ENKUR: variants seen among roughly 807,000 people sequenced by gnomAD.
ENKUR encodes enkurin.
In ENKUR, 19 loss-of-function variants were observed where a neutral mutation model predicts 27.6. That is an observed-to-expected ratio of 0.69 (90% CI 0.48 to 1.01). ENKUR has a LOEUF of 1.01. Among genes scored for constraint, ENKUR ranks in the 50% least tolerant of loss-of-function variants. The pLI is 0.00. For synonymous variants in ENKUR, 117 were observed against 96.9 expected, an observed-to-expected ratio of 1.21 and a Z score of -1.22; for missense variants, 312 against 310.5, an observed-to-expected ratio of 1.00 and a Z score of -0.04.
chr10:24,988,101 G>A (rs113448345), intron 4 of ENKUR, among the ~76,000 whole-genome samples: 1,972 of 151,700 alleles, frequency 0.013, 56 homozygotes, highest in African/African-American at 0.046. Flanking sequence ...GTGCATGCCT[G>A]TAGTTTCAGC....
chr10:24,991,717 A>G (rs1321886061), intron 3 of ENKUR, among the ~76,000 whole-genome samples: 1 of 152,194 alleles, frequency 6.6e-6, no homozygotes, highest in Non-Finnish European at 1.5e-5. Context: ...CGTGTGATCC[A>G]ATTCTTCAAG....
At chr10:25,061,009 T>C (rs1851319760) in intron 2 of ENKUR, 2 of 1,132,842 alleles carry the variant, frequency 1.8e-6, no homozygotes, top group East Asian at 5.1e-5. Context: ...CCACTGGGCC[T>C]GGCCCTTATG....
intron 2 of ENKUR, among the ~76,000 whole-genome samples, chr10:25,056,827 A>C (rs1374642315): frequency 6.6e-6 from 1 of 152,198 alleles, no homozygotes. Flanking sequence ...CAAAGTGCTG[A>C]AAACTCAAAA....
chr10:25,024,427 G>A, intron 2 of ENKUR: 1 of 1,614,042 alleles, frequency 6.2e-7, no homozygotes, highest in South Asian at 1.1e-5. Context: ...GCAAAGGATA[G>A]CTGTGGTTGC....
At chr10:25,042,521 C>G (rs992793083) in intron 2 of ENKUR, among the ~76,000 whole-genome samples, 5 of 152,074 alleles carry the variant, frequency 3.3e-5, no homozygotes, top group African/African-American at 4.8e-5. Context: ...TCTCAAACTT[C>G]TGACCTCAGG....
rs762809982 is a variant in ENKUR, at chr10:25,025,139, T to C, written c.38-29270A>G. 22 of 1,614,002 alleles carry C rather than the reference T, an allele frequency of 1.4e-5. No homozygotes were observed. In the Middle Eastern group the frequency reaches 8.2e-4, roughly 60 times the overall value. On this transcript the variant is annotated intron_variant, in intron 2 of 5. Coordinates refer to the ENKUR transcript ENST00000615958. ...ACCTATAATACTTCAGGGTATATTT[T>C]GGATCCACACACTGCTGTTGCAAAA...
chr10:25,062,164 G>A (rs1341678174), intron 1 of ENKUR: 3 of 152,118 alleles, frequency 2.0e-5, no homozygotes, highest in African/African-American at 4.8e-5. Flanking sequence ...TGTTTGGAGC[G>A]ACTCCTTCCT....
At chr10:25,042,176 A>AC (rs1851071448) in intron 2 of ENKUR, among the ~76,000 whole-genome samples, 1 of 152,070 alleles carries the variant, frequency 6.6e-6, no homozygotes, top group South Asian at 2.1e-4. Flanking sequence ...TTTCTGAAAA[A>AC]AATTATTTTA....
chr10:24,994,830 G>C (rs1850009391), intron 3 of ENKUR, among the ~76,000 whole-genome samples: 1 of 151,822 alleles, frequency 6.6e-6, no homozygotes, highest in African/African-American at 2.4e-5. Context: ...AGACCAGCCT[G>C]GCCAACATGG....
Position 24,995,647 on chromosome 10 carries a change from T to A in ENKUR, c.446A>T (p.Lys149Met), listed in dbSNP as rs754113508. 10 of 1,607,688 alleles carry A rather than the reference T, an allele frequency of 6.2e-6. No individual in the cohort carries two copies. Among genetic ancestry groups the A allele is most frequent in the Non-Finnish European group, 8.5e-6 (10 of 1,177,786 alleles). ...CTTATTAATATACCACAAGGCTACC[T>A]TTTTATTGATGTACTTTGGAACTAG... ...SGLVPKYINK[K>M]DYGVTPEYIC... The change falls in exon 3 of 6, where the codon AAG becomes ATG. Residue 149 changes from lysine to methionine, a missense_variant and splice_region_variant. By Grantham distance (95) the Lys-to-Met change is moderately conservative. Transcript: ENST00000331161.
At chr10:25,031,738 CTT>C (rs60752145) in intron 2 of ENKUR, among the ~76,000 whole-genome samples, 3 of 129,800 alleles carry the variant, frequency 2.3e-5, no homozygotes, top group Non-Finnish European at 5.0e-5. Context: ...GTTTTTAGTT[CTT>C]TTTTTTTTTC....
At chr10:25,050,750 G>A (rs1851179516) in intron 2 of ENKUR, among the ~76,000 whole-genome samples, 1 of 152,142 alleles carries the variant, frequency 6.6e-6, no homozygotes, top group Non-Finnish European at 1.5e-5. Flanking sequence ...GGTTTGTGGA[G>A]AATTTCTTAA....
At chr10:25,008,308 A>G (rs191122205) in intron 1 of ENKUR, among the ~76,000 whole-genome samples, 2 of 152,334 alleles carry the variant, frequency 1.3e-5, no homozygotes, top group Non-Finnish European at 2.9e-5. Context: ...AAAAAGGGTT[A>G]CTGTTTTCCT....
At chr10:25,023,600 G>A in intron 2 of ENKUR, 3 of 1,614,124 alleles carry the variant, frequency 1.9e-6, no homozygotes, top group Non-Finnish European at 2.5e-6. Context: ...TCTGCATCTG[G>A]AAGTGTGATT....
chr10:24,999,388 T>TGATA lies in ENKUR; in HGVS notation c.223+9_223+12dup. 6.3e-7 allele frequency: 1 copy of TGATA among 1,588,104 alleles called. No homozygotes were observed. The highest frequency in any genetic ancestry group is 8.5e-7 in the Non-Finnish European group (1 of 1,172,432). On this transcript the variant is annotated intron_variant, in intron 2 of 5. Coordinates refer to ENST00000331161, the MANE Select transcript of ENKUR (RefSeq NM_145010.4). The stretch of plus-strand genomic sequence containing the variant: ...TGCTTTTAATATTAAAAATAAAGCA[T>TGATA]GATAAAACCTACTGGGTGGTAGAGT...
upstream of ENKUR, among the ~76,000 whole-genome samples, chr10:25,019,271 G>A (rs1287226848): frequency 1.3e-5 from 2 of 152,136 alleles, no homozygotes; most frequent in Non-Finnish European, 1.5e-5. Context: ...CCCAGGAGTT[G>A]GAGACCAGCC....
Position 24,995,828 on chromosome 10 carries a change from G to A in ENKUR, c.265C>T (p.Pro89Ser), listed in dbSNP as rs1246740028. 3 of 1,611,830 alleles carry A rather than the reference G, an allele frequency of 1.9e-6. No individual in the cohort carries two copies. In the Admixed American group the frequency reaches 5.0e-5, roughly 27 times the overall value. ...DRNVPKKPAVPLKTDHPVMGI... is the reference protein window; with the variant it reads ...DRNVPKKPAVSLKTDHPVMGI... Reference sequence around the variant, plus strand: ...ATGACAGGATGATCAGTCTTCAATGGCACAGCAGGCTTTTTGGGCACGTTC... The same window carrying A: ...ATGACAGGATGATCAGTCTTCAATGACACAGCAGGCTTTTTGGGCACGTTC... The change falls in exon 3 of 6, where the codon CCA (proline) becomes TCA (serine). Residue 89 changes from proline (P) to serine (S), a missense_variant. Physicochemically the swap from Pro to Ser is moderately conservative, Grantham distance 74 (BLOSUM62 -1). Transcript: ENST00000331161.
At chr10:24,989,400 A>G (rs1849876275) in intron 4 of ENKUR, among the ~76,000 whole-genome samples, 1 of 152,092 alleles carries the variant, frequency 6.6e-6, no homozygotes, top group South Asian at 2.1e-4. Flanking sequence ...AGCCACTCCT[A>G]CTGTCTGGGA....
At chr10:25,010,331 C>T (rs987645767) in intron 1 of ENKUR, among the ~76,000 whole-genome samples, 2 of 152,100 alleles carry the variant, frequency 1.3e-5, no homozygotes, top group Non-Finnish European at 2.9e-5. Flanking sequence ...TTCCGGGCAT[C>T]TGATGGAAGA....
Sources: allele counts gnomAD v4.1 joint callset (sites outside exome capture counted in the v4.1 genomes callset), GRCh38; gene constraint gnomAD v4.1.1; transcripts MANE v1.5; gene names NCBI Gene and HGNC (gene_info 2026-07-23, HGNC 2026-07-21).